The following MIR2052HG variants were observed in gnomAD, a reference collection of about 807,000 sequenced individuals.
MIR2052HG encodes MIR2052 host gene.
At chr8:74,641,963 G>A (rs909987053) in intron 2 of MIR2052HG, among the ~76,000 whole-genome samples, 7 of 152,136 alleles carry the variant, frequency 4.6e-5, no homozygotes, top group African/African-American at 1.4e-4. Context: ...ATTGAGTGCT[G>A]CTGGTGAGGC....
At chr8:74,603,069 G>C (rs1316036741) in intron 1 of MIR2052HG, among the ~76,000 whole-genome samples, 1 of 140,112 alleles carries the variant, frequency 7.1e-6, no homozygotes, top group Non-Finnish European at 1.5e-5. Context: ...CCAGGTAGAA[G>C]CTTATAAAAC....
intron 1 of MIR2052HG, among the ~76,000 whole-genome samples, chr8:74,600,343 G>A (rs1180387718): frequency 6.6e-6 from 1 of 150,916 alleles, no homozygotes; most frequent in Admixed American, 6.6e-5. Flanking sequence ...CCAGCACTTT[G>A]AGAGGCCGAG....
At chr8:74,751,990 T>C (rs1809951300) in intron 4 of MIR2052HG, among the ~76,000 whole-genome samples, 1 of 152,132 alleles carries the variant, frequency 6.6e-6, no homozygotes, top group South Asian at 2.1e-4. Context: ...CAAAAACTGC[T>C]ATTAAAAACA....
intron 4 of MIR2052HG, among the ~76,000 whole-genome samples, chr8:74,712,296 A>G (rs1446687068): frequency 6.6e-6 from 1 of 152,188 alleles, no homozygotes; most frequent in Non-Finnish European, 1.5e-5. Flanking sequence ...GACTAGATAG[A>G]GCATGGAACT....
intron 2 of MIR2052HG, among the ~76,000 whole-genome samples, chr8:74,674,077 T>C (rs780550814): frequency 2.0e-5 from 3 of 151,472 alleles, no homozygotes; most frequent in Admixed American, 6.6e-5. Context: ...CTAATAGACA[T>C]TGCTAACATA....
chr8:74,721,317 G>A (rs1301954378), intron 4 of MIR2052HG, among the ~76,000 whole-genome samples: 5 of 152,174 alleles, frequency 3.3e-5, no homozygotes, highest in African/African-American at 1.2e-4. Context: ...TTTTTATTCT[G>A]TGTTTCACTT....
intron 1 of MIR2052HG, among the ~76,000 whole-genome samples, chr8:74,608,248 T>C (rs1808141439): frequency 6.6e-6 from 1 of 151,436 alleles, no homozygotes; most frequent in Non-Finnish European, 1.5e-5. Context: ...AGGGAGTGTC[T>C]GGGGAAGAAG....
At chr8:74,729,520 C>A (rs1326812418) in intron 4 of MIR2052HG, among the ~76,000 whole-genome samples, 1 of 151,966 alleles carries the variant, frequency 6.6e-6, no homozygotes, top group African/African-American at 2.4e-5. Flanking sequence ...TGAATCATGG[C>A]TAACAACAAT....
rs1019063694 is a variant in MIR2052HG, at chr8:74,616,516, T to A, written n.216+3576T>A. 3.3e-5 allele frequency among the ~76,000 whole-genome samples: 5 copies of A among 151,912 alleles called. No individual in the cohort carries two copies. The East Asian group carries it at 9.7e-4, about 29-fold the overall frequency. ...ACCATGTCTCACCTTCCTTTCTTTT[T>A]AAGTATTACTGTCCCTATACTCTGA... On this transcript the variant is annotated intron_variant and non_coding_transcript_variant, in intron 2 of 6. Transcript: ENST00000523442.
At chr8:74,734,701 G>T (rs1809728987) in intron 4 of MIR2052HG, among the ~76,000 whole-genome samples, 1 of 152,260 alleles carries the variant, frequency 6.6e-6, no homozygotes, top group East Asian at 1.9e-4. Context: ...AGCTACAACA[G>T]CAGCTCTGAG....
intron 2 of MIR2052HG, among the ~76,000 whole-genome samples, chr8:74,662,058 T>C (rs1445735452): frequency 1.3e-5 from 2 of 152,156 alleles, no homozygotes; most frequent in Non-Finnish European, 2.9e-5. Flanking sequence ...CCTTTAGGCA[T>C]AGTTATTCCA....
At chr8:74,669,668 A>G (rs1274593247) in intron 2 of MIR2052HG, among the ~76,000 whole-genome samples, 1 of 152,074 alleles carries the variant, frequency 6.6e-6, no homozygotes, top group African/African-American at 2.4e-5. Flanking sequence ...TCTTTTGTAC[A>G]CACCAGTTCT....
chr8:74,727,364 T>G, intron 4 of MIR2052HG, among the ~76,000 whole-genome samples: 1 of 152,202 alleles, frequency 6.6e-6, no homozygotes, highest in East Asian at 1.9e-4. Context: ...ATTACACCTA[T>G]TCCCATGATT....
chr8:74,723,031 C>T (rs1021066801), intron 4 of MIR2052HG, among the ~76,000 whole-genome samples: 6 of 152,196 alleles, frequency 3.9e-5, no homozygotes, highest in African/African-American at 1.4e-4. Flanking sequence ...TGAATTTCAG[C>T]TCTTGAATTT....
chr8:74,711,573 C>T (rs2128741794), intron 4 of MIR2052HG, among the ~76,000 whole-genome samples: 1 of 152,240 alleles, frequency 6.6e-6, no homozygotes, highest in Non-Finnish European at 1.5e-5. Flanking sequence ...AGATATAATG[C>T]CTGCTCGGCA....
chr8:74,641,561 A>G (rs894665207), intron 2 of MIR2052HG, among the ~76,000 whole-genome samples: 2 of 152,180 alleles, frequency 1.3e-5, no homozygotes, highest in Non-Finnish European at 2.9e-5. Context: ...TACCTGTATT[A>G]TTAATGTGAC....
At chr8:74,692,696 A>G (rs1017500320) in intron 2 of MIR2052HG, among the ~76,000 whole-genome samples, 4 of 152,218 alleles carry the variant, frequency 2.6e-5, no homozygotes, top group Non-Finnish European at 5.9e-5. Flanking sequence ...ATAATTTGAA[A>G]GTTGTTTCTA....
chr8:74,682,798 G>C (rs1449546987), intron 2 of MIR2052HG, among the ~76,000 whole-genome samples: 1 of 152,016 alleles, frequency 6.6e-6, no homozygotes, highest in Non-Finnish European at 1.5e-5. Flanking sequence ...TGTTCACCAA[G>C]AGATGTATAC....
intron 5 of MIR2052HG, among the ~76,000 whole-genome samples, chr8:74,756,083 A>C (rs184204331): frequency 1.3e-5 from 2 of 152,340 alleles, no homozygotes; most frequent in East Asian, 3.9e-4. Flanking sequence ...TGGGGTTTTC[A>C]TGAGCGCTTC....
Sources: gnomAD v4.1 joint callset for allele counts (sites outside exome capture counted in the v4.1 genomes callset) on GRCh38, gnomAD v4.1.1 for gene constraint, MANE v1.5 for transcripts, NCBI Gene and HGNC (gene_info 2026-07-23, HGNC 2026-07-21) for gene names.